Variants in LLGL2 observed in about 807,000 individuals in gnomAD.
The protein encoded by LLGL2 is LLGL2, scribble cell polarity complex component.
LLGL2 carries 81 observed loss-of-function variants against 123.2 expected under a neutral mutation model. That is an observed-to-expected ratio of 0.66 (90% CI 0.55 to 0.79). The LOEUF (loss-of-function observed/expected upper bound fraction) is 0.79. Among genes scored for constraint, LLGL2 ranks in the 30% least tolerant of loss-of-function variants. The pLI, the probability that LLGL2 is intolerant of heterozygous loss-of-function variation, is 0.00. For synonymous variants in LLGL2, 577 were observed against 594.1 expected (o/e 0.97, Z 0.42); for missense variants, 1,273 against 1,414.6 (o/e 0.90, Z 1.61).
In LLGL2 at chr17:75,564,528, GGTGCC is replaced by G; in HGVS notation, c.1036+22_1036+26del. 1 of 1,612,808 alleles carries G rather than the reference GGTGCC, an allele frequency of 6.2e-7. No individual in the cohort carries two copies. The highest frequency in any genetic ancestry group is 8.5e-7 in the Non-Finnish European group (1 of 1,179,786). ...AGCCAGTAGGAGAGCTTCGGGAGTG[GGTGCC>G]CAGGGTTAGGTGTGGGAGGCATGGG... On this transcript the variant is annotated intron_variant, in intron 10 of 25. Coordinates refer to ENST00000392550, the MANE Select transcript of LLGL2 (RefSeq NM_001031803.2). This position sits in a 1 kb window ranked among gnomAD's most constrained non-coding sequence, Gnocchi z 4.9.
At chr17:75,545,804 GA>G (rs1028232799) in intron 2 of LLGL2, among the ~76,000 whole-genome samples, 3 of 152,186 alleles carry the variant, frequency 2.0e-5, no homozygotes, top group African/African-American at 7.2e-5. Flanking sequence ...TGACAGCCCA[GA>G]AGGAAGGGAC....
chr17:75,573,838 G>T, intron 21 of LLGL2, 114 bp from the exon 22 acceptor site: 1 of 1,356,966 alleles, frequency 7.4e-7, no homozygotes, highest in Non-Finnish European at 1.0e-6. Flanking sequence ...TTACCTCCCA[G>T]GCTCTCCGGC....
At chr17:75,551,318 C>T (rs1209904457) in intron 2 of LLGL2, among the ~76,000 whole-genome samples, 3 of 152,080 alleles carry the variant, frequency 2.0e-5, no homozygotes, top group Non-Finnish European at 4.4e-5. Flanking sequence ...ACAGCTCTGC[C>T]CAGTGCAGTC....
chr17:75,570,310 A>C (rs1184832298), intron 15 of LLGL2, 38 bp from the exon 16 acceptor site: 2 of 1,607,378 alleles, frequency 1.2e-6, no homozygotes, highest in Non-Finnish European at 1.7e-6. Context: ...GAGGACTCCC[A>C]GGACCTAGCA....
Position 75,564,636 on chromosome 17 carries a change from T to C in LLGL2, c.1036+129T>C. 6.9e-7 allele frequency: 1 copy of C among 1,457,204 alleles called. No individual in the cohort carries two copies. Among genetic ancestry groups the C allele is most frequent in the South Asian group, 1.4e-5 (1 of 73,848 alleles). The allele number at this position is 1,457,204 out of a possible 1,614,324, so 90.3% of individuals were successfully genotyped here. A position where few individuals can be genotyped will look rare whatever the true frequency, so the allele number is the denominator to read the frequency against. On this transcript the variant is annotated intron_variant, in intron 10 of 25. Coordinates refer to ENST00000392550, the MANE Select transcript of LLGL2 (RefSeq NM_001031803.2). The surrounding 1 kb of genome is among the most constrained non-coding windows in gnomAD (Gnocchi z 4.9). The stretch of plus-strand genomic sequence containing the variant: ...CCAGTGCTGTGGGAGGCCAAGGTGG[T>C]AGGATCGCTTGAACCCAGGAGTTCA...
At chr17:75,555,276 G>A (rs907600324) in intron 2 of LLGL2, among the ~76,000 whole-genome samples, 27 of 139,974 alleles carry the variant, frequency 1.9e-4, no homozygotes, top group Non-Finnish European at 3.2e-4. Context: ...GTGGGAGTTT[G>A]GGTAATTTTT....
intron 14 of LLGL2, among the ~76,000 whole-genome samples, 164 bp from the exon 15 acceptor site, chr17:75,569,799 C>T (rs981378267): frequency 1.3e-4 from 14 of 107,216 alleles, no homozygotes; most frequent in African/African-American, 8.9e-4. Context: ...CAAGACTTGT[C>T]TCAAAAAAAA....
rs2055123377 is a variant in LLGL2, at chr17:75,559,936, TC to T, written c.530+528del. ...ACATTAGAGAGGGAGTTGGATCAGG[TC>T]CGGGTGGGAGAAGGGGACGGGGCCC... On this transcript the variant is annotated intron_variant, in intron 6 of 25. Coordinates refer to ENST00000392550, the MANE Select transcript of LLGL2 (RefSeq NM_001031803.2). The surrounding 1 kb of genome is among the most constrained non-coding windows in gnomAD (Gnocchi z 4.6). Among the ~76,000 whole-genome samples, 2 of 152,160 alleles carry T rather than the reference TC, an allele frequency of 1.3e-5. No homozygotes were observed. Among genetic ancestry groups the T allele is most frequent in the Non-Finnish European group, 2.9e-5 (2 of 68,016 alleles).
At chr17:75,552,247 G>A (rs1175526395) in intron 2 of LLGL2, among the ~76,000 whole-genome samples, 1 of 152,096 alleles carries the variant, frequency 6.6e-6, no homozygotes, top group Admixed American at 6.6e-5. Context: ...CTGGCACTCT[G>A]GAAGGCTGAG....
intron 1 of LLGL2, among the ~76,000 whole-genome samples, chr17:75,529,839 G>A (rs2053711591): frequency 6.6e-6 from 1 of 151,962 alleles, no homozygotes; most frequent in African/African-American, 2.4e-5. Context: ...CCAGCCTGGT[G>A]ACAGAGCAAG....
rs550852436 is a variant in LLGL2, at chr17:75,549,447, G to A, written c.75+5946G>A. On this transcript the variant is annotated intron_variant, in intron 2 of 25. Coordinates refer to ENST00000392550, the MANE Select transcript of LLGL2 (RefSeq NM_001031803.2). This position sits in a 1 kb window ranked among gnomAD's most constrained non-coding sequence, Gnocchi z 4.0. ...GCACCTGCCTGGGCCTTCCCTGCCC[G>A]TGCCCACCCTCCTCTGTCCCCTTAG... Among the ~76,000 whole-genome samples the A allele has an allele frequency of 1.5e-3, 219 of 149,996 alleles. 1 individual carries two copies. The highest frequency in any genetic ancestry group is 2.4e-3 in the Admixed American group (37 of 15,138).
chr17:75,565,620 A>C (rs2055412636), intron 10 of LLGL2, among the ~76,000 whole-genome samples: 1 of 152,170 alleles, frequency 6.6e-6, no homozygotes, highest in Non-Finnish European at 1.5e-5. Flanking sequence ...CCCAGCGGAA[A>C]GGTCAGGAAG....
intron 1 of LLGL2, among the ~76,000 whole-genome samples, chr17:75,540,553 A>C (rs1210722131): frequency 1.3e-5 from 2 of 152,212 alleles, no homozygotes; most frequent in African/African-American, 2.4e-5. Flanking sequence ...CCCAGGCCCC[A>C]GACTGCCGGG....
intron 6 of LLGL2, 165 bp from the exon 7 acceptor site, chr17:75,562,851 T>A: frequency 3.6e-6 from 3 of 841,124 alleles, no homozygotes; most frequent in Non-Finnish European, 5.4e-6. Context: ...ATTACAGGCA[T>A]GAGCCACCAC....
Position 75,571,894 on chromosome 17 carries a change from C to T in LLGL2, c.2294-4C>T, listed in dbSNP as rs774843603. On this transcript the variant is annotated splice_region_variant and splice_polypyrimidine_tract_variant and intron_variant, in intron 18 of 25. Transcript: ENST00000392550. ...CAGCCCCAACACCCACCTCCTCCCC[C>T]TAGCCAAGGAGATCCAGCTGATGCA... The T allele has an allele frequency of 2.5e-6, 4 of 1,611,688 alleles. No individual in the cohort carries two copies. Among genetic ancestry groups the T allele is most frequent in the African/African-American group, 1.3e-5 (1 of 74,942 alleles).
intron 6 of LLGL2, chr17:75,562,792 ACTC>A (rs1383335903): frequency 8.7e-6 from 5 of 577,252 alleles, no homozygotes; most frequent in Non-Finnish European, 1.5e-5. Context: ...CTGCTCTCAA[ACTC>A]CTGACCTCAA....
In LLGL2 at chr17:75,525,726, C is replaced by A. The variant is rs887583816; in HGVS notation, c.-130C>A. Reference sequence around the variant, plus strand: ...CGGAGGTGAGCAGGAAGGAGACGGCCGCCCAGCAGCCCGTGGGCAGGCGCG... The same window carrying A: ...CGGAGGTGAGCAGGAAGGAGACGGCAGCCCAGCAGCCCGTGGGCAGGCGCG... On this transcript the variant is annotated 5_prime_UTR_variant, in exon 1 of 26. Transcript: ENST00000392550. The surrounding 1 kb of genome is among the most constrained non-coding windows in gnomAD (Gnocchi z 4.8). 6.6e-6 allele frequency: 1 copy of A among 150,906 alleles called. No homozygotes were observed. The highest frequency in any genetic ancestry group is 1.5e-5 in the Non-Finnish European group (1 of 67,578). The allele number at this position is 150,906 out of a possible 1,614,324, so 9.3% of individuals were successfully genotyped here. A position where few individuals can be genotyped will look rare whatever the true frequency, so the allele number is the denominator to read the frequency against.
rs753156877 is a variant in LLGL2, at chr17:75,563,463, G to A, written c.826G>A (p.Gly276Ser). Residue 276 changes from glycine (G) to serine (S), a missense_variant and splice_region_variant, in exon 8 of 26, where the codon GGT becomes AGT. Gly to Ser is a moderately conservative substitution (Grantham distance 56, BLOSUM62 0). Transcript: ENST00000392550. Reference sequence around the variant, plus strand: ...GCCCCTCCGCAGCCTCGTGCCTTACGGTCAGTGTTTCACCCGCCGGGCAGG... The same window carrying A: ...GCCCCTCCGCAGCCTCGTGCCTTACAGTCAGTGTTTCACCCGCCGGGCAGG... Reference protein sequence around the residue: ...PEPLRSLVPYGPFPCKAITRI... With the variant: ...PEPLRSLVPYSPFPCKAITRI... The A allele has an allele frequency of 4.5e-5, 72 of 1,612,112 alleles. No individual in the cohort carries two copies. The highest frequency in any genetic ancestry group is 4.5e-5 in the East Asian group (2 of 44,888).
intron 2 of LLGL2, among the ~76,000 whole-genome samples, chr17:75,552,997 T>G (rs1461934128): frequency 6.6e-6 from 1 of 152,218 alleles, no homozygotes; most frequent in Non-Finnish European, 1.5e-5. Flanking sequence ...GCTGCTGTCC[T>G]GGGAGACGGC....
Sources: gnomAD v4.1 joint callset for allele counts (sites outside exome capture counted in the v4.1 genomes callset) on GRCh38, gnomAD v4.1.1 for gene constraint, Gnocchi (gnomAD v3.1) non-coding constraint, MANE v1.5 for transcripts, NCBI Gene and HGNC (gene_info 2026-07-23, HGNC 2026-07-21) for gene names.